The following CP variants were observed in gnomAD, a reference collection of about 807,000 sequenced individuals.
The protein encoded by CP is ceruloplasmin, also known as caeruloplasmin.
A neutral mutation model predicts 122.4 loss-of-function variants in CP; 64 were observed. The ratio of observed to expected loss-of-function variants is 0.52; its 90% CI spans 0.43 to 0.64. The LOEUF is 0.64. CP is among the 30% of genes least tolerant of loss of function. CP has a pLI of 0.00. For synonymous variants in CP, 440 were observed against 436.4 expected (o/e 1.01, Z -0.10); for missense variants, 1,167 against 1,284.4 (o/e 0.91, Z 1.40).
chr3:149,183,585 T>C lies in CP; in HGVS notation c.2306A>G (p.Asp769Gly). 2 of 1,596,404 alleles carry C rather than the reference T, an allele frequency of 1.3e-6. No homozygotes were observed. The highest frequency in any genetic ancestry group is 1.1e-5 in the South Asian group (1 of 89,962). The part of the protein sequence containing the change: ...QEQNVSNAFL[D>G]KGEFYIGSKY... ...TGAGCCTATGTAAAACTCTCCCTTA[T>C]CTAAAAATGCATTTGAAACACTTAA... The change falls in exon 13 of 19, where the codon GAT becomes GGT. Residue 769 changes from aspartate to glycine, a missense_variant. By Grantham distance (94) the Asp-to-Gly change is moderately conservative (BLOSUM62 -1). Transcript: ENST00000264613.
intron 12 of CP, among the ~76,000 whole-genome samples, chr3:149,183,853 C>T (rs1725952198): frequency 6.6e-6 from 1 of 151,888 alleles, no homozygotes; most frequent in Non-Finnish European, 1.5e-5. Context: ...GTGAAAATTT[C>T]CTCCAGCTAG....
At chr3:149,217,846 A>C (rs557827101) in intron 1 of CP, 2 of 433,962 alleles carry the variant, frequency 4.6e-6, no homozygotes, top group South Asian at 3.4e-5. Context: ...CAAGATCATA[A>C]TTATAGTAAT....
At chr3:149,208,443 T>C (rs11915834) in intron 4 of CP, among the ~76,000 whole-genome samples, 11,254 of 152,250 alleles carry the variant, frequency 0.074, 1,161 homozygotes, top group African/African-American at 0.24. Context: ...TCCACCCAGA[T>C]ATAAGTAAAA....
At chr3:149,203,447 A>T (rs1727487419) in intron 6 of CP, among the ~76,000 whole-genome samples, 1 of 151,992 alleles carries the variant, frequency 6.6e-6, no homozygotes, top group South Asian at 2.1e-4. Context: ...GGTTTTTAAT[A>T]GAGACGGGGC....
intron 14 of CP, among the ~76,000 whole-genome samples, chr3:149,180,611 AGATGGTCTCAAGT>A: frequency 6.6e-6 from 1 of 152,308 alleles, no homozygotes; most frequent in Non-Finnish European, 1.5e-5. Context: ...AAGACAACAG[AGATGGTCTCAAGT>A]GATGTGGTAG....
chr3:149,183,368 G>A, intron 13 of CP, 98 bp downstream of exon 13: 1 of 1,302,590 alleles, frequency 7.7e-7, no homozygotes. Context: ...TTTGATATAT[G>A]AACCAAGAAA....
At chr3:149,201,083 C>T (rs1448772302) in intron 7 of CP, among the ~76,000 whole-genome samples, 2 of 152,046 alleles carry the variant, frequency 1.3e-5, no homozygotes, top group South Asian at 2.1e-4. Context: ...TAGGACAGAT[C>T]CTGCTTGTTT....
At position 149,175,664 on chromosome 3, in the gene CP, A is replaced by AGTGTGTGT. The variant is rs60005904; in HGVS notation, c.3181+578_3181+585dup. 1.9e-3 allele frequency among the ~76,000 whole-genome samples: 279 copies of AGTGTGTGT among 145,660 alleles called. 1 individual carries two copies. Among genetic ancestry groups the AGTGTGTGT allele is most frequent in the Non-Finnish European group, 2.7e-3 (181 of 66,280 alleles). On this transcript the variant is annotated intron_variant, in intron 18 of 18. Transcript: ENST00000264613. ...AAACTGTTCATTTTTCTCCATTTTA[A>AGTGTGTGT]GTGTGTGTGTGTGTGTGTGTGTGTG...
intron 7 of CP, 52 bp from the exon 8 acceptor site, chr3:149,199,916 T>G (rs1727187558): frequency 3.8e-6 from 6 of 1,563,222 alleles, no homozygotes; most frequent in Non-Finnish European, 5.3e-6. Context: ...ACATGCAGAA[T>G]GTATAAGATA....
At position 149,181,990 on chromosome 3, in the gene CP, C is replaced by A. The variant is rs751719558; in HGVS notation, c.2554+15G>T. The A allele has an allele frequency of 7.7e-6, 6 of 781,792 alleles. No homozygotes were observed. The highest frequency in any genetic ancestry group is 5.1e-5 in the East Asian group (1 of 19,562). The allele number at this position is 781,792 out of a possible 1,614,324, so 48.4% of individuals were successfully genotyped here. On this transcript the variant is annotated intron_variant, in intron 14 of 18. Transcript: ENST00000264613. ...TGTTAAAATGCACCACCCCCACCCC[C>A]GCCCCCGTGAGTACCTGGTAATGTT...
chr3:149,208,294 G>A (rs909306313), intron 4 of CP, among the ~76,000 whole-genome samples: 2 of 152,036 alleles, frequency 1.3e-5, no homozygotes, highest in African/African-American at 4.8e-5. Flanking sequence ...AATTAGTTCT[G>A]GGAAGAATCC....
chr3:149,178,494 G>C lies in CP; in HGVS notation c.2799C>G (p.Asp933Glu). Reference protein sequence around the residue: ...FDENESWYLDDNIKTYSDHPE... With the variant: ...FDENESWYLDENIKTYSDHPE... ...GGTGATCAGAGTATGTTTTGATGTTGTCATCTAAGTACCAAGATTCATTCT... is the reference window on the plus strand; with the variant it reads ...GGTGATCAGAGTATGTTTTGATGTTCTCATCTAAGTACCAAGATTCATTCT... The change falls in exon 16 of 19, where the codon GAC becomes GAG. Residue 933 changes from aspartate (D) to glutamate (E), a missense_variant. Asp to Glu is a conservative substitution (Grantham distance 45, BLOSUM62 2). This residue lies in a region of CP where 525 missense variants were observed against 657.2 expected (regional missense o/e 0.80). Coordinates refer to ENST00000264613, the MANE Select transcript of CP (RefSeq NM_000096.4). 3 of 1,613,090 alleles carry C rather than the reference G, an allele frequency of 1.9e-6. No individual in the cohort carries two copies. Among genetic ancestry groups the C allele is most frequent in the Non-Finnish European group, 2.5e-6 (3 of 1,179,280 alleles).
At chr3:149,178,755 A>G (rs1725585361) in intron 15 of CP, 124 bp from the exon 16 acceptor site, 4 of 709,480 alleles carry the variant, frequency 5.6e-6, no homozygotes, top group Middle Eastern at 4.9e-4. Flanking sequence ...ACTTTGCCCA[A>G]TGTGGTACTG....
In CP at chr3:149,214,242, T is replaced by C. The variant is rs191302354; in HGVS notation, c.147-1544A>G. Among the ~76,000 whole-genome samples, 3 of 152,204 alleles carry C rather than the reference T, an allele frequency of 2.0e-5. No homozygotes were observed. In the East Asian group the frequency reaches 5.8e-4, roughly 29 times the overall value. ...GGCAGGACCTCTGCGGTGGAGGCTA[T>C]ATAGATTAAGCCTGAGTGCTGGGGC... On this transcript the variant is annotated intron_variant, in intron 1 of 18. Coordinates refer to ENST00000264613, the MANE Select transcript of CP (RefSeq NM_000096.4).
chr3:149,206,660 A>C (rs571912995), intron 5 of CP, among the ~76,000 whole-genome samples: 32 of 152,318 alleles, frequency 2.1e-4, no homozygotes, highest in African/African-American at 5.8e-4. Flanking sequence ...AGATAAGCAG[A>C]GAAGAGAGGC....
intron 5 of CP, chr3:149,162,920 G>A (rs1160551275): frequency 6.9e-7 from 1 of 1,446,976 alleles, no homozygotes; most frequent in Admixed American, 1.7e-5. Context: ...CTCATGCATT[G>A]CCCATTACAA....
downstream of CP, among the ~76,000 whole-genome samples, chr3:149,170,949 AT>A (rs1007773990): frequency 7.9e-5 from 12 of 151,866 alleles, no homozygotes; most frequent in African/African-American, 2.7e-4. Flanking sequence ...ATAAAGTTGC[AT>A]TTTTTTTAAT....
At chr3:149,165,786 G>T (rs1355815846) in intron 5 of CP, among the ~76,000 whole-genome samples, 1 of 152,032 alleles carries the variant, frequency 6.6e-6, no homozygotes, top group African/African-American at 2.4e-5. Context: ...CCATTATCTG[G>T]ATTAGTCAAG....
intron 8 of CP, 118 bp downstream of exon 8, chr3:149,199,594 T>G: frequency 5.0e-6 from 6 of 1,192,434 alleles, no homozygotes; most frequent in Non-Finnish European, 7.5e-6. Context: ...TGCCTAGAAA[T>G]GATATATGAG....
Sources: gnomAD v4.1 joint callset for allele counts (sites outside exome capture counted in the v4.1 genomes callset) on GRCh38, gnomAD v4.1.1 for gene constraint, gnomAD v4.1.1 regional missense constraint, MANE v1.5 for transcripts, NCBI Gene and HGNC (gene_info 2026-07-23, HGNC 2026-07-21) for gene names.